Variants in SGCZ observed in about 807,000 individuals in gnomAD.
SGCZ encodes the protein sarcoglycan zeta.
In SGCZ, 40 loss-of-function variants were observed where a neutral mutation model predicts 41.3. That is an observed-to-expected ratio of 0.97 (90% CI 0.75 to 1.26). SGCZ has a LOEUF of 1.26. Ranked by LOEUF, SGCZ falls within the 50% of genes most tolerant of loss-of-function variation. The pLI is 0.00. For missense variants in SGCZ, 552 were observed against 369.8 expected (o/e 1.49, Z -4.04); for synonymous variants, 206 against 137.5 (o/e 1.50, Z -3.49).
chr8:14,607,190 A>G (rs1350164115), intron 1 of SGCZ, among the ~76,000 whole-genome samples: 4 of 152,186 alleles, frequency 2.6e-5, no homozygotes, highest in Non-Finnish European at 4.4e-5. Flanking sequence ...ATACATACAT[A>G]CAAAACAACA....
intron 1 of SGCZ, among the ~76,000 whole-genome samples, chr8:14,626,030 C>T (rs28488640): frequency 0.035 from 5,395 of 152,236 alleles, 309 homozygotes; most frequent in African/African-American, 0.12. Flanking sequence ...CTAGGGCAGA[C>T]ATATGAGGAA....
At chr8:14,786,859 C>G (rs967243675) in intron 1 of SGCZ, among the ~76,000 whole-genome samples, 3 of 136,110 alleles carry the variant, frequency 2.2e-5, no homozygotes, top group Non-Finnish European at 4.7e-5. Context: ...AAACAAAAAA[C>G]ACATAGATTA....
At chr8:14,882,164 G>A (rs1804615737) in intron 1 of SGCZ, among the ~76,000 whole-genome samples, 1 of 152,156 alleles carries the variant, frequency 6.6e-6, no homozygotes, top group Non-Finnish European at 1.5e-5. Context: ...TGAATGTGAG[G>A]TCTTAGCAAA....
At chr8:14,434,991 G>T (rs889812638) in intron 2 of SGCZ, among the ~76,000 whole-genome samples, 1 of 152,014 alleles carries the variant, frequency 6.6e-6, no homozygotes, top group African/African-American at 2.4e-5. Flanking sequence ...AAATAAATTT[G>T]TGTTCATTAT....
At chr8:14,974,658 G>C (rs1585427486) in intron 1 of SGCZ, among the ~76,000 whole-genome samples, 1 of 152,248 alleles carries the variant, frequency 6.6e-6, no homozygotes, top group African/African-American at 2.4e-5. Context: ...GTAAACAAAT[G>C]TGAGAACCGC....
intron 1 of SGCZ, among the ~76,000 whole-genome samples, chr8:14,709,863 C>G (rs527567164): frequency 6.6e-6 from 1 of 152,256 alleles, no homozygotes; most frequent in East Asian, 1.9e-4. Context: ...GCAATCTACA[C>G]TACTTTTATG....
chr8:14,762,978 G>A (rs934864950), intron 1 of SGCZ, among the ~76,000 whole-genome samples: 2 of 152,146 alleles, frequency 1.3e-5, no homozygotes, highest in African/African-American at 4.8e-5. Flanking sequence ...TCAGCACCCT[G>A]ACTTATAAAG....
intron 1 of SGCZ, among the ~76,000 whole-genome samples, chr8:14,936,780 C>G (rs560134677): frequency 6.6e-6 from 1 of 151,218 alleles, no homozygotes; most frequent in South Asian, 2.1e-4. Context: ...AAATGAGATT[C>G]GAAATTATGA....
At chr8:14,564,398 G>C (rs1007410660) in intron 1 of SGCZ, among the ~76,000 whole-genome samples, 1 of 152,164 alleles carries the variant, frequency 6.6e-6, no homozygotes, top group African/African-American at 2.4e-5. Flanking sequence ...TTAAAATGCA[G>C]TCCTAGACTT....
At chr8:15,183,331 T>G (rs1404716432) in intron 1 of SGCZ, among the ~76,000 whole-genome samples, 4 of 151,908 alleles carry the variant, frequency 2.6e-5, no homozygotes, top group African/African-American at 9.7e-5. Flanking sequence ...CCAGCATTAC[T>G]ACAAACACAT....
chr8:14,807,370 A>G (rs369506507), intron 1 of SGCZ, among the ~76,000 whole-genome samples: 2 of 152,174 alleles, frequency 1.3e-5, no homozygotes, highest in African/African-American at 4.8e-5. Context: ...CTGATAAGCA[A>G]CTTCAGCAAA....
intron 1 of SGCZ, among the ~76,000 whole-genome samples, chr8:15,016,035 G>T (rs1803020634): frequency 6.6e-6 from 1 of 151,804 alleles, no homozygotes; most frequent in South Asian, 2.1e-4. Context: ...AGCCTTTATT[G>T]CTAAAACTAA....
intron 5 of SGCZ, among the ~76,000 whole-genome samples, chr8:14,143,410 T>A (rs181869579): frequency 6.6e-6 from 1 of 152,216 alleles, no homozygotes; most frequent in East Asian, 1.9e-4. Flanking sequence ...ATTGTCTACA[T>A]AGAAAATCCC....
At chr8:14,510,830 C>T (rs1451345193) in intron 2 of SGCZ, among the ~76,000 whole-genome samples, 1 of 152,006 alleles carries the variant, frequency 6.6e-6, no homozygotes, top group African/African-American at 2.4e-5. Context: ...CTAAATAAGC[C>T]TTTTGCCAGT....
chr8:14,651,502 T>C (rs1041329803), intron 1 of SGCZ, among the ~76,000 whole-genome samples: 1 of 152,086 alleles, frequency 6.6e-6, no homozygotes, highest in Non-Finnish European at 1.5e-5. Context: ...TATACAATGT[T>C]AAAGGCTTTT....
intron 1 of SGCZ, among the ~76,000 whole-genome samples, chr8:14,835,429 C>A (rs7830186): frequency 4.2e-4 from 64 of 152,192 alleles, no homozygotes; most frequent in South Asian, 1.2e-3. Context: ...CCAATCTACA[C>A]GACAGTTCTC....
chr8:14,200,485 A>G (rs1805417908), intron 4 of SGCZ, among the ~76,000 whole-genome samples: 1 of 152,176 alleles, frequency 6.6e-6, no homozygotes, highest in African/African-American at 2.4e-5. Flanking sequence ...ACAGTGCAGT[A>G]TTTTTAAAAG....
At chr8:14,227,855 C>T (rs970537532) in intron 4 of SGCZ, among the ~76,000 whole-genome samples, 3 of 152,004 alleles carry the variant, frequency 2.0e-5, no homozygotes, top group African/African-American at 7.2e-5. Flanking sequence ...CAAGAATAGA[C>T]ACAAAATCTA....
chr8:14,867,344 A>G (rs184666819), intron 1 of SGCZ, among the ~76,000 whole-genome samples: 86 of 152,094 alleles, frequency 5.7e-4, no homozygotes, highest in South Asian at 3.1e-3. Flanking sequence ...TCTTTATCCA[A>G]TCTATCACTG....
Sources: gnomAD v4.1 joint callset for allele counts (sites outside exome capture counted in the v4.1 genomes callset) on GRCh38, gnomAD v4.1.1 for gene constraint, MANE v1.5 for transcripts, NCBI Gene and HGNC (gene_info 2026-07-23, HGNC 2026-07-21) for gene names.